ARHGAP32: variants seen among roughly 807,000 people sequenced by gnomAD.
The protein encoded by ARHGAP32 is Rho GTPase activating protein 32, also known as rho GTPase-activating protein 32.
A neutral mutation model predicts 186.5 loss-of-function variants in ARHGAP32; 51 were observed. The observed-to-expected ratio is 0.27, with a 90% confidence interval of 0.22 to 0.35. The LOEUF (loss-of-function observed/expected upper bound fraction) is 0.35, where lower values mean the gene tolerates loss of function less well. Among genes scored for constraint, ARHGAP32 ranks in the 10% least tolerant of loss-of-function variants. ARHGAP32 has a pLI of 1.00. For missense variants in ARHGAP32, 2,186 were observed against 2,623.5 expected, an observed-to-expected ratio of 0.83 and a Z score of 3.64; for synonymous variants, 950 against 964.3, an observed-to-expected ratio of 0.99 and a Z score of 0.27.
At chr11:129,201,979 T>C (rs969870355) in intron 1 of ARHGAP32, among the ~76,000 whole-genome samples, 6 of 152,076 alleles carry the variant, frequency 3.9e-5, no homozygotes, top group Non-Finnish European at 8.8e-5. Context: ...CAAGAGCCTG[T>C]CTCTGTCTGT....
chr11:129,049,210 A>G (rs778872668), intron 10 of ARHGAP32, among the ~76,000 whole-genome samples: 13 of 152,198 alleles, frequency 8.5e-5, no homozygotes, highest in Non-Finnish European at 1.6e-4. Flanking sequence ...GGAATTTGCA[A>G]AATAGGCTAG....
chr11:129,147,831 T>C (rs1565444331), intron 2 of ARHGAP32, among the ~76,000 whole-genome samples: 1 of 152,174 alleles, frequency 6.6e-6, no homozygotes, highest in Non-Finnish European at 1.5e-5. Flanking sequence ...AGAGTCATGA[T>C]TATATCCTCT....
intron 8 of ARHGAP32, 27 bp from the exon 9 acceptor site, chr11:129,064,051 A>G: frequency 1.3e-6 from 2 of 1,572,050 alleles, no homozygotes; most frequent in South Asian, 2.4e-5. Flanking sequence ...GTACTATGAG[A>G]TAAAGACACT....
At chr11:129,213,231 C>T (rs1944603594) in intron 1 of ARHGAP32, among the ~76,000 whole-genome samples, 1 of 152,140 alleles carries the variant, frequency 6.6e-6, no homozygotes, top group Non-Finnish European at 1.5e-5. Flanking sequence ...AAGTCACTAA[C>T]AGGCTGCAAT....
intron 11 of ARHGAP32, among the ~76,000 whole-genome samples, chr11:129,038,904 A>G (rs1219344801): frequency 2.7e-5 from 4 of 145,612 alleles, no homozygotes; most frequent in Admixed American, 6.8e-5. Flanking sequence ...AAAAAAAAAA[A>G]AAAGAAAAAG....
chr11:129,212,139 A>G (rs139973171), intron 1 of ARHGAP32, among the ~76,000 whole-genome samples: 2 of 152,272 alleles, frequency 1.3e-5, no homozygotes, highest in African/African-American at 4.8e-5. Flanking sequence ...TGGGTGACAG[A>G]GCAAGACCCT....
intron 6 of ARHGAP32, among the ~76,000 whole-genome samples, chr11:129,081,212 A>G (rs1249645446): frequency 1.3e-5 from 2 of 152,146 alleles, no homozygotes; most frequent in African/African-American, 4.8e-5. Context: ...ATCCTAATTC[A>G]CACTATTCCA....
At chr11:129,191,211 T>C (rs1019919132) in intron 1 of ARHGAP32, among the ~76,000 whole-genome samples, 6 of 152,022 alleles carry the variant, frequency 3.9e-5, no homozygotes, top group Non-Finnish European at 4.4e-5. Context: ...TAGGTAAACT[T>C]ATAAAAGATG....
rs115995831 is a variant in ARHGAP32, at chr11:129,112,479, A to C, written c.444+10967T>G. Among the ~76,000 whole-genome samples, 1,106 of 151,740 alleles carry C rather than the reference A, an allele frequency of 7.3e-3. 11 individuals are homozygous for C. The highest frequency in any genetic ancestry group is 0.024 in the Middle Eastern group (7 of 294). On this transcript the variant is annotated intron_variant, in intron 5 of 22. Coordinates refer to ENST00000682385, the MANE Select transcript of ARHGAP32 (RefSeq NM_001378024.1). ...AGTTAGTTTGTTTTTTTTTTAAATT[A>C]GTTTTCTATCCCTTTCACTTTCTCT...
At chr11:129,122,218 A>T (rs1797834494) in intron 5 of ARHGAP32, among the ~76,000 whole-genome samples, 1 of 152,056 alleles carries the variant, frequency 6.6e-6, no homozygotes, top group Admixed American at 6.6e-5. Flanking sequence ...TAATGTTAAC[A>T]TTTAAATATT....
At chr11:129,177,526 C>A (rs1943946439) in intron 1 of ARHGAP32, among the ~76,000 whole-genome samples, 1 of 152,154 alleles carries the variant, frequency 6.6e-6, no homozygotes, top group Non-Finnish European at 1.5e-5. Flanking sequence ...AACATTGATG[C>A]AAAAACCCTT....
chr11:129,100,000 A>G (rs1941846908), intron 5 of ARHGAP32, among the ~76,000 whole-genome samples: 1 of 152,174 alleles, frequency 6.6e-6, no homozygotes, highest in Admixed American at 6.5e-5. Flanking sequence ...TGAACTGGCA[A>G]GGAGCAACCT....
intron 5 of ARHGAP32, among the ~76,000 whole-genome samples, chr11:129,102,830 T>C (rs1483102621): frequency 6.6e-6 from 1 of 152,146 alleles, no homozygotes; most frequent in African/African-American, 2.4e-5. Context: ...AATTATTATA[T>C]GACCTAGAAG....
chr11:129,142,477 A>G (rs1943076155), intron 2 of ARHGAP32, among the ~76,000 whole-genome samples: 1 of 152,212 alleles, frequency 6.6e-6, no homozygotes, highest in Non-Finnish European at 1.5e-5. Flanking sequence ...ATACATATGT[A>G]TATTTATATA....
intron 10 of ARHGAP32, among the ~76,000 whole-genome samples, chr11:129,061,026 A>T (rs1004970811): frequency 3.3e-5 from 5 of 152,098 alleles, no homozygotes; most frequent in Non-Finnish European, 7.4e-5. Context: ...CTTATCCACC[A>T]TCTTATAATG....
At chr11:129,271,313 G>A (rs750407069) in intron 1 of ARHGAP32, among the ~76,000 whole-genome samples, 1 of 152,060 alleles carries the variant, frequency 6.6e-6, no homozygotes, top group Admixed American at 6.6e-5. Flanking sequence ...GTCAGGTTCG[G>A]TTTATATTAT....
rs991231855 is a variant in ARHGAP32 at position 128,966,537 on chromosome 11, T to A, written c.*2370A>T. The A allele has an allele frequency of 3.9e-5, 6 of 152,238 alleles. No individual in the cohort carries two copies. The South Asian group carries it at 1.0e-3, about 26-fold the overall frequency. 9.4% of individuals were successfully genotyped at this position (152,238 alleles called of 1,614,324 possible). A position where few individuals can be genotyped will look rare whatever the true frequency, so the allele number is the denominator to read the frequency against. On this transcript the variant is annotated 3_prime_UTR_variant, in exon 23 of 23. Coordinates refer to ENST00000682385, the MANE Select transcript of ARHGAP32 (RefSeq NM_001378024.1). ...ACGCTTGTAACAGTAATTGCAATCA[T>A]CATTCTGTATTCAAATATTTACCTG... is the stretch of plus-strand genomic sequence containing the variant.
chr11:129,075,293 A>C (rs1025687735), intron 6 of ARHGAP32, among the ~76,000 whole-genome samples: 1 of 152,208 alleles, frequency 6.6e-6, no homozygotes, highest in Non-Finnish European at 1.5e-5. Context: ...ATAAAATGAT[A>C]AAGAGATGCC....
chr11:129,108,514 G>A (rs1400430994), intron 5 of ARHGAP32, among the ~76,000 whole-genome samples: 2 of 151,704 alleles, frequency 1.3e-5, no homozygotes, highest in Non-Finnish European at 2.9e-5. Flanking sequence ...GGGAGAAATA[G>A]GCAGTTCTAC....
Sources: allele counts gnomAD v4.1 joint callset (sites outside exome capture counted in the v4.1 genomes callset), GRCh38; gene constraint gnomAD v4.1.1; transcripts MANE v1.5; gene names NCBI Gene and HGNC (gene_info 2026-07-23, HGNC 2026-07-21).